The following APBA1 variants were observed in gnomAD, a reference collection of about 807,000 sequenced individuals.
The protein encoded by APBA1 is amyloid beta precursor protein binding family A member 1.
In APBA1, 55 loss-of-function variants were observed where a neutral mutation model predicts 86.6. The observed-to-expected ratio is 0.64, with a 90% confidence interval of 0.51 to 0.80. The LOEUF (loss-of-function observed/expected upper bound fraction) is 0.80. Ranked by LOEUF, APBA1 falls within the 30% of genes least tolerant of loss-of-function variation. The pLI, the probability that APBA1 is intolerant of heterozygous loss-of-function variation, is 0.00. For missense variants in APBA1, 1,090 were observed against 1,183.0 expected, an observed-to-expected ratio of 0.92 and a Z score of 1.15; for synonymous variants, 511 against 493.9, an observed-to-expected ratio of 1.03 and a Z score of -0.46.
chr9:69,640,995 A>G (rs1823277080), intron 1 of APBA1, among the ~76,000 whole-genome samples: 1 of 152,028 alleles, frequency 6.6e-6, no homozygotes, highest in Non-Finnish European at 1.5e-5. Flanking sequence ...AGAAAGAGAG[A>G]GAGAAATAAA....
intron 1 of APBA1, among the ~76,000 whole-genome samples, chr9:69,551,832 T>C (rs907029892): frequency 6.6e-6 from 1 of 152,200 alleles, no homozygotes; most frequent in Admixed American, 6.5e-5. Flanking sequence ...CAACATTTCA[T>C]TTTTTCTTCT....
intron 1 of APBA1, among the ~76,000 whole-genome samples, chr9:69,565,582 T>C (rs1837012852): frequency 6.6e-6 from 1 of 152,172 alleles, no homozygotes; most frequent in Admixed American, 6.5e-5. Context: ...CGCATTTCTC[T>C]TCCACATTAT....
intron 1 of APBA1, among the ~76,000 whole-genome samples, chr9:69,618,886 G>C (rs1170743977): frequency 6.6e-6 from 1 of 152,144 alleles, no homozygotes; most frequent in Admixed American, 6.6e-5. Flanking sequence ...TACTAGCTGG[G>C]GTATCTTAGG....
chr9:69,593,058 G>A (rs1316953712), intron 1 of APBA1, among the ~76,000 whole-genome samples: 1 of 152,156 alleles, frequency 6.6e-6, no homozygotes, highest in Non-Finnish European at 1.5e-5. Flanking sequence ...TTCAAATACT[G>A]CAGAGTAATT....
At chr9:69,581,436 A>G (rs1821911980) in intron 1 of APBA1, among the ~76,000 whole-genome samples, 1 of 152,206 alleles carries the variant, frequency 6.6e-6, no homozygotes, top group Non-Finnish European at 1.5e-5. Context: ...ACATAGTACA[A>G]GGGGATAAAT....
In APBA1 at chr9:69,448,654, A is replaced by T. The variant is rs1713568282; in HGVS notation, c.2181+930T>A. ...TTTGCTCACAATGACTATTTGCACG[A>T]ATTAATCCCCTTCCTTCTCCCTCTC... On this transcript the variant is annotated intron_variant, in intron 10 of 12. Coordinates refer to ENST00000265381, the MANE Select transcript of APBA1 (RefSeq NM_001163.4). Among the ~76,000 whole-genome samples, 5 of 151,968 alleles carry T rather than the reference A, an allele frequency of 3.3e-5. No homozygotes were observed. In the South Asian group the frequency reaches 1.0e-3, roughly 32 times the overall value.
chr9:69,552,615 C>G (rs1836804150), intron 1 of APBA1, among the ~76,000 whole-genome samples: 1 of 152,214 alleles, frequency 6.6e-6, no homozygotes, highest in Admixed American at 6.5e-5. Context: ...GATACGCTGT[C>G]TAGCATTTCA....
Position 69,516,946 on chromosome 9 carries a change from TG to T in APBA1, c.264del (p.His88GlnfsTer9). 6.3e-7 allele frequency: 1 copy of T among 1,594,106 alleles called. No homozygotes were observed. The highest frequency in any genetic ancestry group is 8.5e-7 in the Non-Finnish European group (1 of 1,177,228). On this transcript the variant is annotated frameshift_variant, in exon 2 of 13. Transcript: ENST00000265381. LOFTEE classifies it high-confidence loss of function. The surrounding 1 kb of genome is among the most constrained non-coding windows in gnomAD (Gnocchi z 7.3). The stretch of plus-strand genomic sequence containing the variant: ...ATCACGTCGCCCTCGGCGGTGTCCG[TG>T]TGGTTGTGGAAGCCGCTCTCCGTGC... ...SASTESGFHN[H>X]TDTAEGDVIA...
At chr9:69,496,572 CTT>C (rs1181670422) in intron 2 of APBA1, among the ~76,000 whole-genome samples, 1 of 152,054 alleles carries the variant, frequency 6.6e-6, no homozygotes, top group Non-Finnish European at 1.5e-5. Context: ...TCTGACCACT[CTT>C]GTTGGCAGTC....
At chr9:69,591,233 C>G (rs947385986) in intron 1 of APBA1, among the ~76,000 whole-genome samples, 7 of 152,172 alleles carry the variant, frequency 4.6e-5, no homozygotes, top group Non-Finnish European at 8.8e-5. Context: ...GCCTCTTTTC[C>G]CCTTCTCTTT....
intron 1 of APBA1, among the ~76,000 whole-genome samples, chr9:69,585,792 A>C (rs573509312): frequency 6.6e-6 from 1 of 152,220 alleles, no homozygotes; most frequent in East Asian, 1.9e-4. Flanking sequence ...CCCTGTACCA[A>C]AGCCCATCTG....
At chr9:69,579,489 C>T (rs1588375217) in intron 1 of APBA1, among the ~76,000 whole-genome samples, 1 of 152,184 alleles carries the variant, frequency 6.6e-6, no homozygotes, top group Non-Finnish European at 1.5e-5. Flanking sequence ...AAGGCAGGAG[C>T]TACATTTTAT....
chr9:69,671,483 A>AACAG (rs1217070816), intron 1 of APBA1, among the ~76,000 whole-genome samples: 1 of 152,208 alleles, frequency 6.6e-6, no homozygotes, highest in African/African-American at 2.4e-5. Flanking sequence ...GCAGGAGCAG[A>AACAG]ACAGACACTG....
At chr9:69,462,238 A>G (rs1024840509) in intron 5 of APBA1, 2 of 152,252 alleles carry the variant, frequency 1.3e-5, no homozygotes, top group Admixed American at 6.5e-5. Context: ...GGTAGGGCTC[A>G]GCAGGCCACC....
chr9:69,511,599 T>C (rs1455619181), intron 2 of APBA1, among the ~76,000 whole-genome samples: 1 of 151,780 alleles, frequency 6.6e-6, no homozygotes, highest in Non-Finnish European at 1.5e-5. Context: ...CTATAAATCA[T>C]GCTGCTATAA....
intron 1 of APBA1, among the ~76,000 whole-genome samples, chr9:69,597,114 T>G (rs1043161673): frequency 6.6e-6 from 1 of 152,146 alleles, no homozygotes; most frequent in African/African-American, 2.4e-5. Context: ...TAAAAGACAT[T>G]TAAAGTTGCA....
intron 1 of APBA1, among the ~76,000 whole-genome samples, chr9:69,541,145 T>A (rs1836602779): frequency 6.6e-6 from 1 of 152,230 alleles, no homozygotes; most frequent in Admixed American, 6.5e-5. Context: ...AATGCTACGA[T>A]AAATGTTTTG....
At chr9:69,522,099 TA>T (rs1362466096) in intron 1 of APBA1, among the ~76,000 whole-genome samples, 48 of 142,978 alleles carry the variant, frequency 3.4e-4, no homozygotes, top group Admixed American at 4.9e-4. Flanking sequence ...ATATAAATTA[TA>T]TATATATATA....
At chr9:69,486,752 G>T (rs1254243958) in intron 2 of APBA1, among the ~76,000 whole-genome samples, 1 of 152,082 alleles carries the variant, frequency 6.6e-6, no homozygotes, top group African/African-American at 2.4e-5. Flanking sequence ...TGAGGCTGCG[G>T]AGCCGGGCTG....
Sources: gnomAD v4.1 joint callset for allele counts (sites outside exome capture counted in the v4.1 genomes callset) on GRCh38, gnomAD v4.1.1 for gene constraint, Gnocchi (gnomAD v3.1) non-coding constraint, MANE v1.5 for transcripts, NCBI Gene and HGNC (gene_info 2026-07-23, HGNC 2026-07-21) for gene names.